The following ATRX variants were observed in gnomAD, a reference collection of about 807,000 sequenced individuals.
ATRX encodes chromatin remodeler ATRX.
In ATRX, 12 loss-of-function variants were observed where a neutral mutation model predicts 172.6. The observed-to-expected ratio is 0.07, with a 90% CI of 0.04 to 0.11. The LOEUF (loss-of-function observed/expected upper bound fraction) is 0.11. ATRX is among the 10% of genes least tolerant of loss of function. The probability of loss-of-function intolerance (pLI) is 1.00; values close to 1 mark genes in which losing one functional copy is unlikely to be tolerated. For synonymous variants in ATRX, 674 were observed against 594.7 expected (o/e 1.13, Z -1.94); for missense variants, 1,368 against 1,767.4 (o/e 0.77, Z 4.05).
intron 19 of ATRX, among the ~76,000 whole-genome samples, chrX:77,627,285 C>A (rs1431610193): frequency 1.8e-5 from 2 of 111,259 alleles, no homozygotes; most frequent in African/African-American, 3.3e-5. Flanking sequence ...TCATTAATAA[C>A]CCTGAGTCAA....
intron 1 of ATRX, among the ~76,000 whole-genome samples, chrX:77,760,914 G>A (rs1244616005): frequency 1.8e-5 from 2 of 109,781 alleles, no homozygotes; most frequent in Admixed American, 9.7e-5. Context: ...ACATAGATCC[G>A]TAGCATCTTT....
Position 77,505,161 on chromosome X carries a change from A to G in ATRX, c.*3190T>C, listed in dbSNP as rs782667507. The G allele has an allele frequency of 2.9e-5, 5 of 171,487 alleles. No individual in the cohort carries two copies. The highest frequency in any genetic ancestry group is 5.6e-5 in the Non-Finnish European group (5 of 89,756). The allele number at this position is 171,487 out of a possible 1,213,427, so 14.1% of individuals were successfully genotyped here. On this transcript the variant is annotated 3_prime_UTR_variant, in exon 35 of 35. Coordinates refer to ENST00000373344, the MANE Select transcript of ATRX (RefSeq NM_000489.6). ...AGGATTGACCTGTTTTACTGGTAGA[A>G]TAAGTCTCTATAGCCTCACAACATG...
intron 26 of ATRX, among the ~76,000 whole-genome samples, chrX:77,592,030 T>C (rs2066275518): frequency 8.9e-6 from 1 of 111,906 alleles, no homozygotes; most frequent in African/African-American, 3.3e-5. Context: ...GCAGACAACA[T>C]GAAGAACTCT....
chrX:77,713,435 A>G (rs782799240), intron 2 of ATRX, among the ~76,000 whole-genome samples: 1 of 111,505 alleles, frequency 9.0e-6, no homozygotes, highest in African/African-American at 3.3e-5. Flanking sequence ...CTTGCAAAAA[A>G]TAACTGATTG....
chrX:77,515,150 G>A (rs1557038585), intron 34 of ATRX, among the ~76,000 whole-genome samples: 1 of 111,680 alleles, frequency 9.0e-6, no homozygotes, highest in Non-Finnish European at 1.9e-5. Flanking sequence ...CACTGCTGGT[G>A]GGAGTGTAAA....
chrX:77,742,843 T>C lies in ATRX; in HGVS notation c.21-25600A>G, dbSNP rs182051763. On this transcript the variant is annotated intron_variant, in intron 1 of 34. Coordinates refer to ENST00000373344, the MANE Select transcript of ATRX (RefSeq NM_000489.6). ...TTAATTTAGGGAATGACTGGAAGAC[T>C]GTGAGAAAGAACTGTTTCAGGGAGG... Among the ~76,000 whole-genome samples the C allele has an allele frequency of 3.7e-3, 415 of 111,816 alleles. 1 individual carries two copies. The highest frequency in any genetic ancestry group is 0.013 in the African/African-American group (392 of 30,789).
chrX:77,723,482 T>G (rs1267074709), intron 1 of ATRX, among the ~76,000 whole-genome samples: 1 of 111,847 alleles, frequency 8.9e-6, no homozygotes, highest in Non-Finnish European at 1.9e-5. Flanking sequence ...TGTGTGGGTA[T>G]TTGTTTTCTT....
At chrX:77,584,188 T>C (rs1266301835) in intron 27 of ATRX, among the ~76,000 whole-genome samples, 3 of 111,696 alleles carry the variant, frequency 2.7e-5, no homozygotes, top group African/African-American at 9.7e-5. Flanking sequence ...AATCATAGAA[T>C]GATATTCCAG....
At chrX:77,715,398 G>A (rs969537052) in intron 2 of ATRX, among the ~76,000 whole-genome samples, 3 of 111,682 alleles carry the variant, frequency 2.7e-5, no homozygotes, top group Admixed American at 1.9e-4. Context: ...GCCTAGGTGT[G>A]TAGTAGCCTA....
chrX:77,670,476 C>T (rs1227163747), intron 10 of ATRX, among the ~76,000 whole-genome samples: 2 of 111,993 alleles, frequency 1.8e-5, no homozygotes, highest in Admixed American at 1.9e-4. Context: ...AACATGTGGC[C>T]GGGCACGATG....
In ATRX at chrX:77,574,353, C is replaced by T. The variant is rs1440854109; in HGVS notation, c.6223G>A (p.Gly2075Arg). Residue 2075 changes from glycine to arginine, a missense_variant, in exon 28 of 35, where the codon GGG (glycine) becomes AGG (arginine). Physicochemically the swap from Gly to Arg is moderately radical, Grantham distance 125. Transcript: ENST00000373344. ...TAGTCAATGTTTCGAAGCCACTTCCCCTCACCTGAAAATTTAACAAAAGAA... is the reference window on the plus strand; with the variant it reads ...TAGTCAATGTTTCGAAGCCACTTCCTCTCACCTGAAAATTTAACAAAAGAA... ...KDKPLIYKGE[G>R]KWLRNIDYYR... 1.7e-6 allele frequency: 2 copies of T among 1,187,399 alleles called. No individual in the cohort carries two copies. Among genetic ancestry groups the T allele is most frequent in the Non-Finnish European group, 2.3e-6 (2 of 873,670 alleles).
intron 25 of ATRX, 104 bp downstream of exon 25, chrX:77,599,307 T>G (rs1557085616): frequency 1.1e-6 from 1 of 904,238 alleles, no homozygotes; most frequent in African/African-American, 2.0e-5. Context: ...TGAGGAAAGA[T>G]TCCTTTGAGT....
chrX:77,562,858 C>T (rs1165121603), intron 28 of ATRX, among the ~76,000 whole-genome samples: 1 of 112,253 alleles, frequency 8.9e-6, no homozygotes, highest in Non-Finnish European at 1.9e-5. Flanking sequence ...AATTACATTT[C>T]CCTAATGGCT....
At chrX:77,568,133 C>T (rs2065268205) in intron 28 of ATRX, among the ~76,000 whole-genome samples, 2 of 101,595 alleles carry the variant, frequency 2.0e-5, no homozygotes, top group Non-Finnish European at 4.0e-5. Context: ...GCAAAACAAA[C>T]CAAAAGCAAG....
intron 2 of ATRX, among the ~76,000 whole-genome samples, chrX:77,704,121 T>C (rs1271670536): frequency 1.8e-5 from 2 of 110,637 alleles, no homozygotes; most frequent in South Asian, 7.8e-4. Context: ...CTCTCCTTCG[T>C]CTCTGCAGCT....
At chrX:77,537,598 G>C (rs1383929409) in intron 30 of ATRX, among the ~76,000 whole-genome samples, 1 of 110,937 alleles carries the variant, frequency 9.0e-6, no homozygotes, top group Non-Finnish European at 1.9e-5. Flanking sequence ...AACTTGGGAG[G>C]CTGAAGCGGG....
rs782687417 is a variant in ATRX, at chrX:77,682,792, C to G, written c.2464G>C (p.Glu822Gln). The change falls in exon 9 of 35, where the codon GAA becomes CAA. Residue 822 changes from glutamate to glutamine, a missense_variant. Coordinates refer to ENST00000373344, the MANE Select transcript of ATRX (RefSeq NM_000489.6). ...TTACTCATGCTCTTTATCTCTTTTT[C>G]TAATTCTGAGTCATAATTAGAAGAC... ...SESSNYDSEL[E>Q]KEIKSMSKIG... 8.3e-7 allele frequency: 1 copy of G among 1,210,240 alleles called. No individual in the cohort carries two copies. Among genetic ancestry groups the G allele is most frequent in the Non-Finnish European group, 1.1e-6 (1 of 895,034 alleles).
chrX:77,737,416 C>CT (rs1194128300), intron 1 of ATRX, among the ~76,000 whole-genome samples: 1 of 65,070 alleles, frequency 1.5e-5, no homozygotes, highest in Admixed American at 2.4e-4. Flanking sequence ...GGGCAAGACT[C>CT]TGTCTCCAAA....
At chrX:77,609,036 A>G (rs782620872) in intron 22 of ATRX, among the ~76,000 whole-genome samples, 1 of 112,238 alleles carries the variant, frequency 8.9e-6, no homozygotes, top group South Asian at 3.7e-4. Flanking sequence ...CAAAACTACA[A>G]TAAGATATCA....
Sources: allele counts gnomAD v4.1 joint callset (sites outside exome capture counted in the v4.1 genomes callset), GRCh38; gene constraint gnomAD v4.1.1; transcripts MANE v1.5; gene names NCBI Gene and HGNC (gene_info 2026-07-23, HGNC 2026-07-21).